Variants in MYO19 observed in about 807,000 individuals in gnomAD.
MYO19 encodes unconventional myosin-XIX.
Under a neutral mutation model 129.2 loss-of-function variants are expected in MYO19, and 132 were observed. The ratio of observed to expected loss-of-function variants is 1.02; its 90% CI spans 0.89 to 1.18. The LOEUF is 1.18. Among genes scored for constraint, MYO19 ranks in the 50% most tolerant of loss-of-function variants. The probability of loss-of-function intolerance (pLI) is 0.00; values close to 1 mark genes in which losing one functional copy is unlikely to be tolerated. For synonymous variants in MYO19, 531 were observed against 477.2 expected (o/e 1.11, Z -1.47); for missense variants, 1,210 against 1,216.7 (o/e 0.99, Z 0.08).
At chr17:36,500,784 CCTGTGGGGT>C (rs757098781) in intron 23 of MYO19, 37 bp downstream of exon 23, 68 of 1,571,658 alleles carry the variant, frequency 4.3e-5, no homozygotes, top group Non-Finnish European at 5.7e-5. Context: ...AAACCAACAT[CCTGTGGGGT>C]CTGTGAGCAG....
Position 36,521,221 on chromosome 17 carries a change from A to C in MYO19, c.414+4007T>G, listed in dbSNP as rs182100307. Among the ~76,000 whole-genome samples the C allele has an allele frequency of 2.2e-3, 332 of 152,238 alleles. 1 individual carries two copies. The highest frequency in any genetic ancestry group is 3.5e-3 in the Non-Finnish European group (235 of 68,026). ...TTACAGTGAGGCCCCATTGGTTGAC[A>C]ATCTTGTACGTAAACACAGATTCTA... On this transcript the variant is annotated intron_variant, in intron 6 of 25. Transcript: ENST00000614623.
chr17:36,513,538 A>G, intron 10 of MYO19, 33 bp from the exon 11 acceptor site: 1 of 1,613,744 alleles, frequency 6.2e-7, no homozygotes, highest in Non-Finnish European at 8.5e-7. Flanking sequence ...GGCAGAGGTC[A>G]GCAGCAGCAA....
intron 10 of MYO19, 36 bp from the exon 11 acceptor site, chr17:36,513,541 A>G: frequency 6.2e-7 from 1 of 1,613,818 alleles, no homozygotes. Flanking sequence ...AGAGGTCAGC[A>G]GCAGCAAGAT....
chr17:36,528,582 G>A (rs2073638198), intron 3 of MYO19, among the ~76,000 whole-genome samples: 1 of 152,056 alleles, frequency 6.6e-6, no homozygotes, highest in Non-Finnish European at 1.5e-5. Context: ...GCTACAGAAG[G>A]GTGGGAACCT....
chr17:36,521,696 G>C (rs936649778), intron 6 of MYO19, among the ~76,000 whole-genome samples: 11 of 152,110 alleles, frequency 7.2e-5, no homozygotes, highest in Non-Finnish European at 1.5e-4. Flanking sequence ...GGGGAAAAAA[G>C]AAATCACCAT....
upstream of MYO19, among the ~76,000 whole-genome samples, chr17:36,535,996 G>A (rs867388153): frequency 6.6e-6 from 1 of 152,066 alleles, no homozygotes; most frequent in African/African-American, 2.4e-5. Context: ...CATAATGCAC[G>A]CATGCATTCA....
chr17:36,525,280 A>T lies in MYO19; in HGVS notation c.362T>A (p.Ile121Asn). The change falls in exon 6 of 26, where the codon ATT (isoleucine) becomes AAT (asparagine). Residue 121 changes from isoleucine to asparagine, a missense_variant. Transcript: ENST00000614623. The part of the protein sequence containing the change: ...EQTYRNVKSL[I>N]EPVNQSIVVS... ...AACAATAGACTGGTTGACTGGTTCA[A>T]TCAGGCTCTTGACATTCCTGTAGGT... The T allele has an allele frequency of 1.9e-6, 3 of 1,613,968 alleles. No homozygotes were observed. Among genetic ancestry groups the T allele is most frequent in the Non-Finnish European group, 1.7e-6 (2 of 1,179,860 alleles).
At chr17:36,509,430 A>T in intron 13 of MYO19, 1 of 485,446 alleles carries the variant, frequency 2.1e-6, no homozygotes, top group Non-Finnish European at 3.7e-6. Flanking sequence ...AGTCGAGCTC[A>T]GTCACATGGC....
At chr17:36,532,419 G>C (rs1326114763) in intron 3 of MYO19, 108 bp downstream of exon 3, 4 of 1,307,738 alleles carry the variant, frequency 3.1e-6, no homozygotes, top group Non-Finnish European at 4.3e-6. Context: ...GACAATTTGA[G>C]GAGAGAAAAG....
chr17:36,504,080 C>A, intron 19 of MYO19, 60 bp from the exon 20 acceptor site: 1 of 1,366,272 alleles, frequency 7.3e-7, no homozygotes, highest in Non-Finnish European at 9.8e-7. Flanking sequence ...GCCAGAAATG[C>A]CATTCTCTCA....
At chr17:36,499,002 G>T in intron 24 of MYO19, 73 bp downstream of exon 24, 1 of 1,226,492 alleles carries the variant, frequency 8.2e-7, no homozygotes, top group Non-Finnish European at 1.2e-6. Context: ...GGCAGAGCCA[G>T]CATTCCCACT....
intron 21 of MYO19, chr17:36,501,724 T>A (rs1032122495): frequency 6.5e-6 from 1 of 153,900 alleles, no homozygotes; most frequent in Non-Finnish European, 1.4e-5. Flanking sequence ...TTTGGGAATC[T>A]TCTACTGCAA....
At chr17:36,521,399 A>C (rs1487222433) in intron 6 of MYO19, among the ~76,000 whole-genome samples, 1 of 152,236 alleles carries the variant, frequency 6.6e-6, no homozygotes, top group Non-Finnish European at 1.5e-5. Flanking sequence ...GAAGTTCCAA[A>C]GAATTGGAAG....
rs1017215412 is a variant in MYO19, at chr17:36,506,761, C to T, written c.1645-153G>A. The T allele has an allele frequency of 7.2e-6, 8 of 1,104,368 alleles. No individual in the cohort carries two copies. In the Admixed American group the frequency reaches 1.6e-4, roughly 21 times the overall value. 68.4% of individuals were successfully genotyped at this position (1,104,368 alleles called of 1,614,324 possible). A position where few individuals can be genotyped will look rare whatever the true frequency, so the allele number is the denominator to read the frequency against. ...CATTGGACAACCAGAGACCTGGAGACCCAGTCTAACATGGGTTATCTCCAG... is the reference window on the plus strand; with the variant it reads ...CATTGGACAACCAGAGACCTGGAGATCCAGTCTAACATGGGTTATCTCCAG... On this transcript the variant is annotated intron_variant, in intron 17 of 25. Coordinates refer to ENST00000614623, the MANE Select transcript of MYO19 (RefSeq NM_001163735.2).
At chr17:36,512,018 GA>G (rs1477577927) in intron 11 of MYO19, among the ~76,000 whole-genome samples, 1 of 152,110 alleles carries the variant, frequency 6.6e-6, no homozygotes. Flanking sequence ...GCTATAGACA[GA>G]AGCTCCCCTC....
rs142037104 is a variant in MYO19 at position 36,503,931 on chromosome 17, C to A, written c.1976+19G>T. ...ACTCTGTACTGGCCCTGCACTGTGC[C>A]GTGATCGAGCCCACTCACCGGATGG... On this transcript the variant is annotated intron_variant, in intron 20 of 25. Coordinates refer to ENST00000614623, the MANE Select transcript of MYO19 (RefSeq NM_001163735.2). 4 of 1,573,664 alleles carry A rather than the reference C, an allele frequency of 2.5e-6. No individual in the cohort carries two copies. Among genetic ancestry groups the A allele is most frequent in the South Asian group, 2.4e-5 (2 of 84,750 alleles).
At chr17:36,540,228 T>G (rs1202140066) in intron 2 of MYO19, among the ~76,000 whole-genome samples, 1 of 152,140 alleles carries the variant, frequency 6.6e-6, no homozygotes, top group Non-Finnish European at 1.5e-5. Context: ...AGGTTTAATT[T>G]AAATCTGTAA....
In MYO19 at chr17:36,504,993, A is replaced by C. The variant is rs953007832; in HGVS notation, c.1905+304T>G. 9.1e-6 allele frequency: 5 copies of C among 550,400 alleles called. No individual in the cohort carries two copies. In the African/African-American group the frequency reaches 9.2e-5, roughly 10 times the overall value. 34.1% of individuals were successfully genotyped at this position (550,400 alleles called of 1,614,324 possible). Reference sequence around the variant, plus strand: ...GTGCGGGGACTGTGTGGTGATGTAGACTTTCAGCTAATCACGAGACACCCA... The same window carrying C: ...GTGCGGGGACTGTGTGGTGATGTAGCCTTTCAGCTAATCACGAGACACCCA... On this transcript the variant is annotated intron_variant, in intron 19 of 25. Coordinates refer to ENST00000614623, the MANE Select transcript of MYO19 (RefSeq NM_001163735.2).
At chr17:36,522,443 G>A (rs1397863624) in intron 6 of MYO19, among the ~76,000 whole-genome samples, 1 of 151,852 alleles carries the variant, frequency 6.6e-6, no homozygotes, top group Non-Finnish European at 1.5e-5. Flanking sequence ...CCAGGAGGCG[G>A]AGGTTGCAGT....
Sources: gnomAD v4.1 joint callset for allele counts (sites outside exome capture counted in the v4.1 genomes callset) on GRCh38, gnomAD v4.1.1 for gene constraint, MANE v1.5 for transcripts, NCBI Gene and HGNC (gene_info 2026-07-23, HGNC 2026-07-21) for gene names.